The following CEP170 variants were observed in gnomAD, a reference collection of about 807,000 sequenced individuals.
The protein encoded by CEP170 is centrosomal protein of 170 kDa.
CEP170 carries 21 observed loss-of-function variants against 151.9 expected under a neutral mutation model. The ratio of observed to expected loss-of-function variants is 0.14; its 90% CI spans 0.10 to 0.20. The LOEUF is 0.20. Among genes scored for constraint, CEP170 ranks in the 10% least tolerant of loss-of-function variants. CEP170 has a pLI of 1.00. For synonymous variants in CEP170, 356 were observed against 648.8 expected (o/e 0.55, Z 6.86); for missense variants, 964 against 1,892.9 (o/e 0.51, Z 9.11).
intron 8 of CEP170, among the ~76,000 whole-genome samples, chr1:243,186,887 A>T (rs2059970530): frequency 6.6e-6 from 1 of 152,230 alleles, no homozygotes; most frequent in Non-Finnish European, 1.5e-5. Flanking sequence ...GTATGGTAAA[A>T]ATGTGATGAA....
At position 243,126,502 on chromosome 1, in the gene CEP170, A is replaced by C; in HGVS notation, c.4702T>G (p.Phe1568Val). 6.2e-7 allele frequency: 1 copy of C among 1,609,378 alleles called. No individual in the cohort carries two copies. Among genetic ancestry groups the C allele is most frequent in the South Asian group, 1.1e-5 (1 of 90,044 alleles). ...AESEADFSIH[F>V]NRFNPDGEEE... Reference sequence around the variant, plus strand: ...TCCCCATCGGGGTTGAATCTATTGAAATGTATACTGAAATCAGCCTCAGAT... The same window carrying C: ...TCCCCATCGGGGTTGAATCTATTGACATGTATACTGAAATCAGCCTCAGAT... Residue 1568 changes from phenylalanine (F) to valine (V), a missense_variant, in exon 20 of 20, where the codon TTC (phenylalanine) becomes GTC (valine). Transcript: ENST00000366542.
intron 10 of CEP170, among the ~76,000 whole-genome samples, chr1:243,182,428 AC>A (rs2059680479): frequency 1.3e-5 from 2 of 151,916 alleles, no homozygotes; most frequent in Non-Finnish European, 1.5e-5. Flanking sequence ...CAGGCCTCTT[AC>A]CTAAGATCTA....
intron 1 of CEP170, among the ~76,000 whole-genome samples, chr1:243,230,332 A>G (rs2932636): frequency 6.9e-6 from 1 of 145,928 alleles, no homozygotes; most frequent in Non-Finnish European, 1.5e-5. Flanking sequence ...ATAAGATACA[A>G]AATACAGTTC....
At chr1:243,158,362 A>G (rs565667078) in intron 13 of CEP170, among the ~76,000 whole-genome samples, 1 of 152,368 alleles carries the variant, frequency 6.6e-6, no homozygotes, top group South Asian at 2.1e-4. Flanking sequence ...TATGGTCACT[A>G]TACATATGAT....
At chr1:243,232,707 C>G (rs556309861) in intron 1 of CEP170, among the ~76,000 whole-genome samples, 1 of 152,092 alleles carries the variant, frequency 6.6e-6, no homozygotes, top group Non-Finnish European at 1.5e-5. Flanking sequence ...AATATCTTGC[C>G]TCAAGGAACT....
At position 243,146,414 on chromosome 1, in the gene CEP170, A is replaced by C. The variant is rs562447001; in HGVS notation, c.3912-3951T>G. On this transcript the variant is annotated intron_variant, in intron 14 of 19. Coordinates refer to ENST00000366542, the MANE Select transcript of CEP170 (RefSeq NM_014812.3). ...ATAAAAGCCAGTCAGCCAAATAATG[A>C]AGAGCCATATTATTTTTAAAGAGTC... 9.8e-5 allele frequency among the ~76,000 whole-genome samples: 15 copies of C among 152,352 alleles called. 1 individual carries two copies. Among genetic ancestry groups the C allele is most frequent in the South Asian group, 4.1e-4 (2 of 4,830 alleles).
At position 243,172,828 on chromosome 1, in the gene CEP170, T is replaced by C. The variant is rs1344364531; in HGVS notation, c.1585A>G (p.Asn529Asp). The part of the protein sequence containing the change: ...MIDKVFGVDD[N>D]QDYNRPVINE... ...ATAACAGGCCTATTATAATCCTGAT[T>C]GTCATCTACTCCAAACACCTAGAGG... Residue 529 changes from asparagine (N) to aspartate (D), a missense_variant, in exon 11 of 20, where the codon AAT becomes GAT. Physicochemically the swap from Asn to Asp is conservative, Grantham distance 23. Transcript: ENST00000366542. 7 of 1,568,848 alleles carry C rather than the reference T, an allele frequency of 4.5e-6. No homozygotes were observed. The highest frequency in any genetic ancestry group is 6.1e-6 in the Non-Finnish European group (7 of 1,156,622).
At chr1:243,170,047 G>A (rs1362540027) in intron 11 of CEP170, among the ~76,000 whole-genome samples, 1 of 152,296 alleles carries the variant, frequency 6.6e-6, no homozygotes, top group East Asian at 1.9e-4. Context: ...GGAAAGCTAC[G>A]ATGGAAACTT....
chr1:243,178,250 C>T (rs956927581), intron 10 of CEP170, among the ~76,000 whole-genome samples: 5 of 132,164 alleles, frequency 3.8e-5, no homozygotes, highest in African/African-American at 1.1e-4. Flanking sequence ...AATCGCATAA[C>T]GTGAGCCGAG....
At chr1:243,175,013 G>A (rs1289042421) in intron 10 of CEP170, 5 of 152,174 alleles carry the variant, frequency 3.3e-5, no homozygotes, top group African/African-American at 1.2e-4. Context: ...ATAACCACAT[G>A]AGTACTTGCA....
chr1:243,158,214 G>A (rs1323024164), intron 13 of CEP170, among the ~76,000 whole-genome samples: 1 of 152,122 alleles, frequency 6.6e-6, no homozygotes, highest in Non-Finnish European at 1.5e-5. Context: ...CAGAAATAGT[G>A]TAAACAAATT....
In CEP170 at chr1:243,153,730, A is replaced by G. The variant is rs184182153; in HGVS notation, c.3911+2491T>C. Among the ~76,000 whole-genome samples, 372 of 152,306 alleles carry G rather than the reference A, an allele frequency of 2.4e-3. 1 individual carries two copies. The highest frequency in any genetic ancestry group is 4.2e-3 in the Non-Finnish European group (288 of 68,024). ...CATAATTTTTACATGCACTAGGAAA[A>G]AAAAACTGTGTGACTTGCTTTGAGA... On this transcript the variant is annotated intron_variant, in intron 14 of 19. Coordinates refer to ENST00000366542, the MANE Select transcript of CEP170 (RefSeq NM_014812.3).
intron 7 of CEP170, among the ~76,000 whole-genome samples, chr1:243,194,257 C>A (rs2060496588): frequency 6.6e-6 from 1 of 151,802 alleles, no homozygotes; most frequent in African/African-American, 2.4e-5. Context: ...GTATATAGGG[C>A]AAACAGTCTT....
chr1:243,250,612 T>C (rs1399921711), intron 1 of CEP170, among the ~76,000 whole-genome samples: 1 of 152,152 alleles, frequency 6.6e-6, no homozygotes, highest in Non-Finnish European at 1.5e-5. Flanking sequence ...ATGACCAACA[T>C]CAAAAGAAAC....
At chr1:243,192,970 A>G (rs1296849195) in intron 7 of CEP170, among the ~76,000 whole-genome samples, 1 of 152,108 alleles carries the variant, frequency 6.6e-6, no homozygotes, top group Non-Finnish European at 1.5e-5. Context: ...TTTCACTGTG[A>G]AAAATTATCC....
chr1:243,236,057 AT>A (rs2064220842), intron 1 of CEP170, among the ~76,000 whole-genome samples: 1 of 152,194 alleles, frequency 6.6e-6, no homozygotes, highest in Non-Finnish European at 1.5e-5. Flanking sequence ...AGATTCAGAC[AT>A]TTATCAAGTA....
intron 13 of CEP170, chr1:243,163,474 A>C (rs1159895348): frequency 6.6e-6 from 1 of 152,272 alleles, no homozygotes. Flanking sequence ...CTGAATACAA[A>C]GCACATAAGC....
At chr1:243,227,838 G>C (rs899079260) in intron 1 of CEP170, among the ~76,000 whole-genome samples, 2 of 152,338 alleles carry the variant, frequency 1.3e-5, no homozygotes, top group African/African-American at 2.4e-5. Flanking sequence ...TTTGGACTGA[G>C]AGCTTTGAGA....
intron 14 of CEP170, among the ~76,000 whole-genome samples, chr1:243,155,675 ATAATC>A (rs1233510445): frequency 6.6e-6 from 1 of 152,124 alleles, no homozygotes; most frequent in Non-Finnish European, 1.5e-5. Context: ...TTTTTTGTAC[ATAATC>A]TAAAGGTTAC....
Sources: gnomAD v4.1 joint callset for allele counts (sites outside exome capture counted in the v4.1 genomes callset) on GRCh38, gnomAD v4.1.1 for gene constraint, MANE v1.5 for transcripts, NCBI Gene and HGNC (gene_info 2026-07-23, HGNC 2026-07-21) for gene names.